The following PPP3CA variants were observed in gnomAD, a reference collection of about 807,000 sequenced individuals.
PPP3CA encodes CAM-PRP catalytic subunit.
PPP3CA carries 14 observed loss-of-function variants against 66.5 expected under a neutral mutation model. The ratio of observed to expected loss-of-function variants is 0.21; its 90% CI spans 0.14 to 0.33. PPP3CA has a LOEUF of 0.33. Among genes scored for constraint, PPP3CA ranks in the 10% least tolerant of loss-of-function variants. The probability of loss-of-function intolerance (pLI) is 1.00; values close to 1 mark genes in which losing one functional copy is unlikely to be tolerated. For synonymous variants in PPP3CA, 232 were observed against 226.2 expected (o/e 1.03, Z -0.23); for missense variants, 317 against 639.5 (o/e 0.50, Z 5.44).
intron 1 of PPP3CA, among the ~76,000 whole-genome samples, chr4:101,283,998 A>G (rs1163204002): frequency 6.6e-6 from 1 of 152,224 alleles, no homozygotes; most frequent in East Asian, 1.9e-4. Flanking sequence ...GTTGAACTAG[A>G]CATATTTCAA....
intron 3 of PPP3CA, among the ~76,000 whole-genome samples, chr4:101,106,453 G>GAAAGAAGAGAAAAGAAA (rs775018059): frequency 2.3e-4 from 8 of 35,518 alleles, no homozygotes; most frequent in Admixed American, 5.8e-4. Context: ...AAGAAAGAAA[G>GAAAGAAGAGAAAAGAAA]AGAAAAGAAA....
rs552906369 is a variant in PPP3CA at position 101,097,611 on chromosome 4, G to T, written c.642+756C>A. Reference sequence around the variant, plus strand: ...ATTTTGGCACCAAGAAAAATACACTGCGATTTTTTATTACTCTCTATCTTT... The same window carrying T: ...ATTTTGGCACCAAGAAAAATACACTTCGATTTTTTATTACTCTCTATCTTT... On this transcript the variant is annotated intron_variant, in intron 5 of 13. Coordinates refer to ENST00000394854, the MANE Select transcript of PPP3CA (RefSeq NM_000944.5). Among the ~76,000 whole-genome samples the T allele has an allele frequency of 6.4e-4, 97 of 152,098 alleles. 1 individual carries two copies. The highest frequency in any genetic ancestry group is 2.3e-3 in the African/African-American group (94 of 41,522).
intron 6 of PPP3CA, among the ~76,000 whole-genome samples, 175 bp downstream of exon 6, chr4:101,093,601 A>G (rs1730056914): frequency 6.6e-6 from 1 of 152,072 alleles, no homozygotes; most frequent in African/African-American, 2.4e-5. Flanking sequence ...TATCTATTTC[A>G]CATTTATTTA....
intron 1 of PPP3CA, among the ~76,000 whole-genome samples, chr4:101,240,295 C>T (rs550035023): frequency 4.1e-4 from 62 of 152,178 alleles, no homozygotes; most frequent in African/African-American, 1.5e-3. Flanking sequence ...AAAACCACTC[C>T]AGTAGCAACT....
chr4:101,305,085 G>A (rs1490007474), intron 1 of PPP3CA, among the ~76,000 whole-genome samples: 2 of 152,218 alleles, frequency 1.3e-5, no homozygotes, highest in Non-Finnish European at 2.9e-5. Flanking sequence ...GCTTTGCAGG[G>A]TTAGAACAAG....
intron 13 of PPP3CA, 130 bp downstream of exon 13, chr4:101,029,036 G>T: frequency 2.7e-6 from 2 of 742,794 alleles, no homozygotes; most frequent in Non-Finnish European, 4.5e-6. Flanking sequence ...AGAACATTTT[G>T]GTTAATACTG....
intron 2 of PPP3CA, among the ~76,000 whole-genome samples, chr4:101,131,295 A>G (rs1479605849): frequency 6.6e-6 from 1 of 151,430 alleles, no homozygotes; most frequent in African/African-American, 2.4e-5. Context: ...AAAGGCACAG[A>G]CTGGCAAATG....
intron 1 of PPP3CA, among the ~76,000 whole-genome samples, chr4:101,300,356 C>A (rs1728336496): frequency 6.6e-6 from 1 of 152,240 alleles, no homozygotes; most frequent in Non-Finnish European, 1.5e-5. Flanking sequence ...GGCAGTCACA[C>A]ATCTTGGCTT....
At position 101,243,652 on chromosome 4, in the gene PPP3CA, C is replaced by T. The variant is rs529973600; in HGVS notation, c.59-47536G>A. On this transcript the variant is annotated intron_variant, in intron 1 of 13. Coordinates refer to ENST00000394854, the MANE Select transcript of PPP3CA (RefSeq NM_000944.5). Reference sequence around the variant, plus strand: ...TCCACAGGTTACATGCAAATACTACCCCATTTTATATAATAGATTTGAGTG... The same window carrying T: ...TCCACAGGTTACATGCAAATACTACTCCATTTTATATAATAGATTTGAGTG... 7.2e-5 allele frequency among the ~76,000 whole-genome samples: 11 copies of T among 152,054 alleles called. No individual in the cohort carries two copies. The South Asian group carries it at 2.3e-3, about 32-fold the overall frequency.
intron 8 of PPP3CA, among the ~76,000 whole-genome samples, chr4:101,073,029 T>G (rs1728988763): frequency 6.6e-6 from 1 of 151,558 alleles, no homozygotes; most frequent in Non-Finnish European, 1.5e-5. Flanking sequence ...AATATTACAG[T>G]TGGATTAATT....
At chr4:101,081,336 C>A (rs561031726) in intron 7 of PPP3CA, among the ~76,000 whole-genome samples, 2 of 152,150 alleles carry the variant, frequency 1.3e-5, no homozygotes, top group African/African-American at 4.8e-5. Context: ...CTGGTGTCTA[C>A]AGGTCAAAGA....
intron 1 of PPP3CA, among the ~76,000 whole-genome samples, chr4:101,268,719 T>C (rs1436845835): frequency 6.6e-6 from 1 of 152,122 alleles, no homozygotes; most frequent in African/African-American, 2.4e-5. Context: ...AGGCTTAATG[T>C]ATTAGTCATA....
At chr4:101,168,692 A>G (rs13142024) in intron 2 of PPP3CA, among the ~76,000 whole-genome samples, 74,266 of 151,976 alleles carry the variant, frequency 0.49, 19,530 homozygotes, top group Middle Eastern at 0.63. Context: ...GGTCCAATGA[A>G]AGAAAGACTA....
chr4:101,291,483 A>T (rs1168874284), intron 1 of PPP3CA, among the ~76,000 whole-genome samples: 2 of 152,146 alleles, frequency 1.3e-5, no homozygotes, highest in African/African-American at 4.8e-5. Flanking sequence ...CAATTAGAGG[A>T]AGGTCCTCCA....
At chr4:101,265,200 T>C (rs929052583) in intron 1 of PPP3CA, among the ~76,000 whole-genome samples, 1 of 152,182 alleles carries the variant, frequency 6.6e-6, no homozygotes, top group African/African-American at 2.4e-5. Context: ...CACTGCAGCC[T>C]TGACCTCCTG....
chr4:101,339,264 A>G (rs1729732723), intron 1 of PPP3CA, among the ~76,000 whole-genome samples: 1 of 152,224 alleles, frequency 6.6e-6, no homozygotes, highest in Admixed American at 6.5e-5. Context: ...AGGTCATTTT[A>G]TCTTCAAGTC....
At chr4:101,285,591 CTGTGTGTATGTGTGTGTGTGTGTG>C (rs1301142700) in intron 1 of PPP3CA, among the ~76,000 whole-genome samples, 17 of 131,752 alleles carry the variant, frequency 1.3e-4, no homozygotes, top group African/African-American at 5.9e-5. Flanking sequence ...TCAAATGCCA[CTGTGTGTATGTGTGTGTGTGTGTG>C]TGTGTGTGTG....
intron 1 of PPP3CA, among the ~76,000 whole-genome samples, chr4:101,337,190 G>C (rs976560625): frequency 1.3e-5 from 2 of 152,146 alleles, no homozygotes; most frequent in Admixed American, 6.5e-5. Flanking sequence ...CCCCTAACTG[G>C]TTAAATTTTT....
At chr4:101,262,415 T>C (rs1403267269) in intron 1 of PPP3CA, among the ~76,000 whole-genome samples, 1 of 152,242 alleles carries the variant, frequency 6.6e-6, no homozygotes, top group African/African-American at 2.4e-5. Context: ...AATCTTTAAT[T>C]TGTATTTATT....
Sources: gnomAD v4.1 joint callset for allele counts (sites outside exome capture counted in the v4.1 genomes callset) on GRCh38, gnomAD v4.1.1 for gene constraint, MANE v1.5 for transcripts, NCBI Gene and HGNC (gene_info 2026-07-23, HGNC 2026-07-21) for gene names.